The following DENND1A variants were observed in gnomAD, a reference collection of about 807,000 sequenced individuals.
DENND1A encodes the protein DENN domain-containing protein 1A.
A neutral mutation model predicts 113.7 loss-of-function variants in DENND1A; 51 were observed. The ratio of observed to expected loss-of-function variants is 0.45; its 90% CI spans 0.36 to 0.57. DENND1A has a LOEUF of 0.57. Ranked by LOEUF, DENND1A falls within the 20% of genes least tolerant of loss-of-function variation. The probability of loss-of-function intolerance (pLI) is 0.00; values close to 1 mark genes in which losing one functional copy is unlikely to be tolerated. For synonymous variants in DENND1A, 565 were observed against 570.8 expected (o/e 0.99, Z 0.14); for missense variants, 1,258 against 1,395.9 (o/e 0.90, Z 1.57).
intron 21 of DENND1A, among the ~76,000 whole-genome samples, chr9:123,392,999 C>A (rs1229704291): frequency 6.6e-6 from 1 of 152,168 alleles, no homozygotes; most frequent in Non-Finnish European, 1.5e-5. Context: ...TAATTCATTC[C>A]TTTTTATGAC....
chr9:123,618,760 T>C (rs1221558262), intron 10 of DENND1A, among the ~76,000 whole-genome samples: 10 of 152,194 alleles, frequency 6.6e-5, no homozygotes, highest in Admixed American at 6.5e-4. Context: ...TCAGTAACGC[T>C]GGGAGTGACA....
At chr9:123,782,676 C>T (rs1831507110) in intron 3 of DENND1A, among the ~76,000 whole-genome samples, 1 of 152,130 alleles carries the variant, frequency 6.6e-6, no homozygotes, top group Non-Finnish European at 1.5e-5. Flanking sequence ...AAGGAGGTGG[C>T]ATTTGAACTA....
intron 1 of DENND1A, among the ~76,000 whole-genome samples, chr9:123,920,439 A>AC (rs1856027862): frequency 6.6e-6 from 1 of 151,946 alleles, no homozygotes; most frequent in African/African-American, 2.4e-5. Context: ...CACACACACA[A>AC]AAAAAACACT....
chr9:123,690,110 A>AGGG (rs2065089273), intron 5 of DENND1A, among the ~76,000 whole-genome samples: 3 of 77,804 alleles, frequency 3.9e-5, no homozygotes, highest in Admixed American at 1.4e-4. Context: ...GGGAGGGAGG[A>AGGG]AGAAAAAGGA....
At chr9:123,661,832 G>C (rs2139709431) in intron 8 of DENND1A, among the ~76,000 whole-genome samples, 1 of 152,186 alleles carries the variant, frequency 6.6e-6, no homozygotes, top group Admixed American at 6.5e-5. Flanking sequence ...AAGATTTGCT[G>C]AAGAAAGTAG....
intron 13 of DENND1A, among the ~76,000 whole-genome samples, chr9:123,489,941 C>T (rs185597956): frequency 1.6e-4 from 24 of 152,248 alleles, no homozygotes; most frequent in Admixed American, 5.9e-4. Flanking sequence ...GGTTAAAACA[C>T]AGAAAACGCT....
At chr9:123,716,271 A>G (rs2066971310) in intron 5 of DENND1A, among the ~76,000 whole-genome samples, 1 of 152,224 alleles carries the variant, frequency 6.6e-6, no homozygotes, top group Non-Finnish European at 1.5e-5. Context: ...CTGATCAAGT[A>G]GAGAGTAGAC....
At chr9:123,860,625 A>C (rs1270744183) in intron 2 of DENND1A, among the ~76,000 whole-genome samples, 5 of 152,232 alleles carry the variant, frequency 3.3e-5, no homozygotes, top group Admixed American at 2.6e-4. Flanking sequence ...GGAACAGACA[A>C]GGCAGTCCCT....
intron 13 of DENND1A, among the ~76,000 whole-genome samples, chr9:123,463,230 C>T (rs977222536): frequency 6.6e-6 from 1 of 152,206 alleles, no homozygotes; most frequent in Non-Finnish European, 1.5e-5. Flanking sequence ...CAGTAAAACA[C>T]AGCTGCTTAA....
chr9:123,889,000 G>GTGTGTC (rs1554804317), intron 1 of DENND1A, among the ~76,000 whole-genome samples: 27 of 149,920 alleles, frequency 1.8e-4, no homozygotes, highest in African/African-American at 6.1e-4. Flanking sequence ...GTGTGTGTGT[G>GTGTGTC]TGTGTGTATT....
chr9:123,494,698 TA>T (rs2051702338), intron 13 of DENND1A, among the ~76,000 whole-genome samples: 1 of 152,208 alleles, frequency 6.6e-6, no homozygotes, highest in African/African-American at 2.4e-5. Context: ...CTAGAAGCCT[TA>T]CCCCACCTTC....
At position 123,676,791 on chromosome 9, in the gene DENND1A, T is replaced by C; in HGVS notation, c.303-2A>G. On this transcript the variant is annotated splice_acceptor_variant, in intron 5 of 23. Transcript: ENST00000394215. LOFTEE classifies it high-confidence loss of function. ...AATACCTCGAACCAGGGGAGATAGC[T>C]GGAGGAAGAAGAGGAAACACATGAA... The C allele has an allele frequency of 6.2e-7, 1 of 1,613,940 alleles. No homozygotes were observed. Among genetic ancestry groups the C allele is most frequent in the Non-Finnish European group, 8.5e-7 (1 of 1,179,900 alleles).
intron 13 of DENND1A, among the ~76,000 whole-genome samples, chr9:123,517,170 G>A (rs2054003954): frequency 6.7e-6 from 1 of 150,164 alleles, no homozygotes; most frequent in Admixed American, 6.6e-5. Context: ...GGAGAATGGT[G>A]TGAACCCGGG....
At chr9:123,801,256 T>A (rs1183375486) in intron 2 of DENND1A, among the ~76,000 whole-genome samples, 1 of 152,176 alleles carries the variant, frequency 6.6e-6, no homozygotes, top group African/African-American at 2.4e-5. Flanking sequence ...CCACTATCCA[T>A]CTCCAGAAAT....
At chr9:123,445,994 C>T (rs537224638) in intron 18 of DENND1A, among the ~76,000 whole-genome samples, 1 of 152,352 alleles carries the variant, frequency 6.6e-6, no homozygotes, top group Admixed American at 6.5e-5. Context: ...TGTATTTCCC[C>T]TAGTTTACAG....
At chr9:123,756,624 C>T (rs1370333665) in intron 5 of DENND1A, among the ~76,000 whole-genome samples, 1 of 152,158 alleles carries the variant, frequency 6.6e-6, no homozygotes, top group Admixed American at 6.5e-5. Flanking sequence ...ACTAATGATA[C>T]TAAGATTTGT....
chr9:123,697,782 AAGGTG>A (rs1220765664), intron 5 of DENND1A, among the ~76,000 whole-genome samples: 1 of 152,212 alleles, frequency 6.6e-6, no homozygotes. Context: ...GGAGTGACAC[AAGGTG>A]TACTGGAGAG....
chr9:123,757,272 G>T lies in DENND1A; in HGVS notation c.302+431C>A, dbSNP rs1028573580. 2.0e-5 allele frequency among the ~76,000 whole-genome samples: 3 copies of T among 152,144 alleles called. No individual in the cohort carries two copies. In the East Asian group the frequency reaches 5.8e-4, roughly 29 times the overall value. ...AGTTCTTCATTCACCGACCCAAAGG[G>T]GGCAAGGGTGTTACTTTAAGGCGGA... On this transcript the variant is annotated intron_variant, in intron 5 of 23. Coordinates refer to ENST00000394215, the MANE Select transcript of DENND1A (RefSeq NM_001352964.2).
At chr9:123,383,468 C>T (rs73573317) in intron 23 of DENND1A, among the ~76,000 whole-genome samples, 187 bp downstream of exon 23, 3,534 of 152,310 alleles carry the variant, frequency 0.023, 143 homozygotes, top group African/African-American at 0.081. Flanking sequence ...CCTACCGTCA[C>T]TGTTAGGGTG....
Sources: gnomAD v4.1 joint callset for allele counts (sites outside exome capture counted in the v4.1 genomes callset) on GRCh38, gnomAD v4.1.1 for gene constraint, MANE v1.5 for transcripts, NCBI Gene and HGNC (gene_info 2026-07-23, HGNC 2026-07-21) for gene names.